Variants in ALDH1L2 observed in about 807,000 individuals in gnomAD.
ALDH1L2 encodes the protein aldehyde dehydrogenase 1 family member L2.
ALDH1L2 carries 91 observed loss-of-function variants against 111.0 expected under a neutral mutation model. The observed-to-expected ratio is 0.82, with a 90% confidence interval of 0.69 to 0.98. The LOEUF is 0.98. Among genes scored for constraint, ALDH1L2 ranks in the 50% least tolerant of loss-of-function variants. The pLI, the probability that ALDH1L2 is intolerant of heterozygous loss-of-function variation, is 0.00. For missense variants in ALDH1L2, 995 were observed against 1,126.8 expected, an observed-to-expected ratio of 0.88 and a Z score of 1.67; for synonymous variants, 374 against 392.6, an observed-to-expected ratio of 0.95 and a Z score of 0.56.
At chr12:105,075,416 C>T (rs1877997440) in intron 1 of ALDH1L2, among the ~76,000 whole-genome samples, 1 of 152,192 alleles carries the variant, frequency 6.6e-6, no homozygotes, top group Non-Finnish European at 1.5e-5. Context: ...GAAACCCTGT[C>T]TCTACTAAAA....
Position 105,038,261 on chromosome 12 carries a change from CACACACACACACACACAA to C in ALDH1L2, c.2046-77_2046-60del, listed in dbSNP as rs1326988643. 5.1e-4 allele frequency: 266 copies of C among 521,808 alleles called. 5 individuals are homozygous for C. In the South Asian group the frequency reaches 5.3e-3, roughly 10 times the overall value. The allele number at this position is 521,808 out of a possible 1,614,324, so 32.3% of individuals were successfully genotyped here. A position where few individuals can be genotyped will look rare whatever the true frequency, so the allele number is the denominator to read the frequency against. ...TTAACATCTCTCTCTCTCTCTCTCT[CACACACACACACACACAA>C]ACACACACACACACACACACACACA... On this transcript the variant is annotated intron_variant, in intron 17 of 22. Transcript: ENST00000258494.
rs758853950 is a variant in ALDH1L2, at chr12:105,035,837, A to ATGTGTGTG, written c.2146-1440_2146-1439insCACACACA. On this transcript the variant is annotated intron_variant, in intron 18 of 22. Coordinates refer to ENST00000258494, the MANE Select transcript of ALDH1L2 (RefSeq NM_001034173.4). The stretch of plus-strand genomic sequence containing the variant: ...ATATATAGTGTGTCTATATATATAT[A>ATGTGTGTG]TATGTGTGTGTGTGTGTGTGTGTGT... Among the ~76,000 whole-genome samples the ATGTGTGTG allele has an allele frequency of 4.0e-4, 38 of 95,636 alleles. 3 individuals are homozygous for ATGTGTGTG. The highest frequency in any genetic ancestry group is 1.0e-3 in the African/African-American group (13 of 12,898). 62.7% of individuals were successfully genotyped at this position (95,636 alleles called of 152,430 possible).
intron 6 of ALDH1L2, among the ~76,000 whole-genome samples, chr12:105,064,720 C>T (rs1049249548): frequency 1.6e-4 from 25 of 152,176 alleles, no homozygotes; most frequent in Admixed American, 3.3e-4. Flanking sequence ...GAAACCTCCC[C>T]GAAGAGGTGA....
At chr12:105,024,512 T>C (rs1443739387) in intron 22 of ALDH1L2, 33 bp from the exon 23 acceptor site, 1 of 1,604,484 alleles carries the variant, frequency 6.2e-7, no homozygotes, top group South Asian at 1.1e-5. Context: ...ACAGACCACA[T>C]TCAGAGGCAG....
intron 1 of ALDH1L2, among the ~76,000 whole-genome samples, chr12:105,082,547 A>G (rs978884585): frequency 4.6e-5 from 7 of 152,138 alleles, no homozygotes; most frequent in Non-Finnish European, 7.4e-5. Context: ...TTTTCCCCCA[A>G]CTGAGTAGAA....
At chr12:105,048,601 A>C (rs1876061882) in intron 13 of ALDH1L2, 1 of 152,136 alleles carries the variant, frequency 6.6e-6, no homozygotes, top group Non-Finnish European at 1.5e-5. Context: ...CAAGCCCTAC[A>C]TCTCCCTTTT....
intron 22 of ALDH1L2, among the ~76,000 whole-genome samples, 166 bp downstream of exon 22, chr12:105,026,379 C>T (rs1874408243): frequency 1.3e-5 from 2 of 152,072 alleles, no homozygotes; most frequent in East Asian, 3.9e-4. Flanking sequence ...ATGGTATATT[C>T]AATAGAAATG....
chr12:105,028,802 A>G (rs1445605181), intron 21 of ALDH1L2, among the ~76,000 whole-genome samples: 1 of 152,232 alleles, frequency 6.6e-6, no homozygotes, highest in Admixed American at 6.5e-5. Flanking sequence ...GGCAGCAGCA[A>G]CAGCAAATAC....
chr12:105,037,089 G>A (rs147430607), intron 18 of ALDH1L2, among the ~76,000 whole-genome samples: 8 of 152,288 alleles, frequency 5.3e-5, no homozygotes, highest in African/African-American at 1.9e-4. Context: ...CTGGACAGTT[G>A]TACAGAACTG....
intron 2 of ALDH1L2, among the ~76,000 whole-genome samples, chr12:105,071,643 T>TATATATA (rs55911058): frequency 9.4e-4 from 13 of 13,888 alleles, no homozygotes; most frequent in South Asian, 3.8e-3. Flanking sequence ...TATATATATA[T>TATATATA]TTTTTTTTTT....
At chr12:105,061,543 C>T (rs1565965727) in intron 8 of ALDH1L2, 84 bp downstream of exon 8, 7 of 1,554,244 alleles carry the variant, frequency 4.5e-6, no homozygotes, top group Non-Finnish European at 6.1e-6. Flanking sequence ...TCTGATCCCA[C>T]TACTTTGAGG....
intron 18 of ALDH1L2, among the ~76,000 whole-genome samples, chr12:105,036,518 A>AT (rs1157979902): frequency 1.3e-4 from 1 of 7,884 alleles, no homozygotes; most frequent in African/African-American, 1.8e-3. Flanking sequence ...TATATTTTAT[A>AT]TATATATATA....
At chr12:105,076,879 T>TC (rs1878076878) in intron 1 of ALDH1L2, among the ~76,000 whole-genome samples, 1 of 152,086 alleles carries the variant, frequency 6.6e-6, no homozygotes, top group African/African-American at 2.4e-5. Flanking sequence ...ACATCTTTAA[T>TC]CCCCCCAGTG....
chr12:105,034,473 GAGTT>G (rs1328081009), intron 18 of ALDH1L2, 75 bp from the exon 19 acceptor site: 22 of 1,357,386 alleles, frequency 1.6e-5, no homozygotes, highest in Admixed American at 8.9e-5. Flanking sequence ...TACACAGAGG[GAGTT>G]AGTTGTTTTT....
At chr12:105,041,659 C>G (rs4312142) in intron 15 of ALDH1L2, among the ~76,000 whole-genome samples, 2 of 151,918 alleles carry the variant, frequency 1.3e-5, no homozygotes, top group Non-Finnish European at 2.9e-5. Flanking sequence ...TTCCAATTCC[C>G]TCATTCCTTT....
chr12:105,070,397 C>T (rs1444911528), intron 3 of ALDH1L2, 173 bp downstream of exon 3: 2 of 611,830 alleles, frequency 3.3e-6, no homozygotes, highest in East Asian at 2.8e-5. Context: ...GAAATACACT[C>T]ACCCTCTGTG....
chr12:105,041,045 G>A (rs570754400), intron 15 of ALDH1L2, among the ~76,000 whole-genome samples: 2 of 152,226 alleles, frequency 1.3e-5, no homozygotes, highest in South Asian at 2.1e-4. Context: ...ACTTCTGTGT[G>A]CATTTTCTAT....
chr12:105,048,891 C>A (rs975619466), intron 13 of ALDH1L2, among the ~76,000 whole-genome samples: 3 of 151,844 alleles, frequency 2.0e-5, no homozygotes, highest in Non-Finnish European at 2.9e-5. Context: ...ATTAGCCAGG[C>A]GTGGTGGTGC....
chr12:105,043,266 G>A (rs1875647497), intron 15 of ALDH1L2, among the ~76,000 whole-genome samples: 1 of 152,184 alleles, frequency 6.6e-6, no homozygotes, highest in Non-Finnish European at 1.5e-5. Context: ...TGGGTTCACA[G>A]GCTATGTTGT....
Sources: gnomAD v4.1 joint callset for allele counts (sites outside exome capture counted in the v4.1 genomes callset) on GRCh38, gnomAD v4.1.1 for gene constraint, MANE v1.5 for transcripts, NCBI Gene and HGNC (gene_info 2026-07-23, HGNC 2026-07-21) for gene names.